The following C12orf42 variants were observed in gnomAD, a reference collection of about 807,000 sequenced individuals.
C12orf42 encodes the protein uncharacterized protein C12orf42.
A neutral mutation model predicts 21.6 loss-of-function variants in C12orf42; 25 were observed. The observed-to-expected ratio is 1.16, with a 90% CI of 0.84 to 1.62. The LOEUF is 1.62. Among genes scored for constraint, C12orf42 ranks in the 40% most tolerant of loss-of-function variants. The pLI, the probability that C12orf42 is intolerant of heterozygous loss-of-function variation, is 0.00. For synonymous variants in C12orf42, 174 were observed against 175.0 expected (o/e 0.99, Z 0.05); for missense variants, 483 against 459.3 (o/e 1.05, Z -0.47).
chr12:103,236,995 T>G (rs2033489544), downstream of C12orf42, among the ~76,000 whole-genome samples: 1 of 152,236 alleles, frequency 6.6e-6, no homozygotes, highest in African/African-American at 2.4e-5. Flanking sequence ...ATGTCTGCGC[T>G]CTGCAAAAGG....
chr12:103,172,931 A>G, the C12orf42 span, among the ~76,000 whole-genome samples: 20 of 152,244 alleles, frequency 1.3e-4, no homozygotes, highest in African/African-American at 4.8e-4. Flanking sequence ...TTGTTTTGTT[A>G]GTTTATATTG....
intron 2 of C12orf42, among the ~76,000 whole-genome samples, chr12:103,429,033 G>A (rs1386151093): frequency 2.6e-5 from 4 of 152,176 alleles, no homozygotes; most frequent in Non-Finnish European, 2.9e-5. Context: ...GCAAAAGCTA[G>A]AAGCATTCCC....
the C12orf42 span, among the ~76,000 whole-genome samples, chr12:103,078,182 G>A: frequency 9.8e-3 from 1,491 of 152,206 alleles, 26 homozygotes; most frequent in African/African-American, 0.034. Context: ...ACAAGGTTTT[G>A]TTTTAGGAAC....
chr12:103,357,320 T>C lies in C12orf42; in HGVS notation c.259+11567A>G, dbSNP rs558258833. Among the ~76,000 whole-genome samples the C allele has an allele frequency of 2.0e-5, 3 of 151,538 alleles. No homozygotes were observed. The South Asian group carries it at 6.2e-4, about 31-fold the overall frequency. On this transcript the variant is annotated intron_variant, in intron 4 of 5. Coordinates refer to ENST00000548883, the MANE Select transcript of C12orf42 (RefSeq NM_198521.5). Reference sequence around the variant, plus strand: ...ATAATAATAAAATAAAAAATAATAATAATAATAAAAAGAAATGAGATGTAG... The same window carrying C: ...ATAATAATAAAATAAAAAATAATAACAATAATAAAAAGAAATGAGATGTAG...
At chr12:103,371,887 T>C (rs145718591) in intron 3 of C12orf42, among the ~76,000 whole-genome samples, 3 of 152,252 alleles carry the variant, frequency 2.0e-5, no homozygotes, top group African/African-American at 7.2e-5. Flanking sequence ...TACCCCAATT[T>C]TACAGATGAA....
At chr12:103,162,045 T>C in the C12orf42 span, among the ~76,000 whole-genome samples, 2 of 152,056 alleles carry the variant, frequency 1.3e-5, no homozygotes, top group African/African-American at 2.4e-5. Flanking sequence ...CCCTTTTCCC[T>C]CCTAATGCCC....
chr12:103,099,487 C>A, the C12orf42 span, among the ~76,000 whole-genome samples: 164 of 152,240 alleles, frequency 1.1e-3, 1 homozygote, highest in African/African-American at 3.7e-3. Flanking sequence ...CATTCAGAGG[C>A]CAGGACTGGG....
At chr12:103,321,971 T>C (rs1364410879) in intron 4 of C12orf42, among the ~76,000 whole-genome samples, 1 of 152,016 alleles carries the variant, frequency 6.6e-6, no homozygotes, top group Non-Finnish European at 1.5e-5. Context: ...CATATGTAAC[T>C]AACCTGCACA....
At chr12:103,469,140 C>T (rs184954240) in intron 2 of C12orf42, among the ~76,000 whole-genome samples, 19 of 152,266 alleles carry the variant, frequency 1.2e-4, no homozygotes, top group African/African-American at 3.6e-4. Flanking sequence ...CAGTATGGGA[C>T]GTCCAATTGG....
At chr12:103,307,403 T>C (rs1011074143) in intron 4 of C12orf42, among the ~76,000 whole-genome samples, 4 of 152,216 alleles carry the variant, frequency 2.6e-5, no homozygotes, top group Non-Finnish European at 5.9e-5. Flanking sequence ...GCAGTTGATA[T>C]GGGTTTCTTT....
At chr12:103,313,898 G>A (rs1430035132) in intron 4 of C12orf42, among the ~76,000 whole-genome samples, 1 of 152,168 alleles carries the variant, frequency 6.6e-6, no homozygotes, top group Non-Finnish European at 1.5e-5. Flanking sequence ...GACAGAATAA[G>A]GCAAATGTAT....
At chr12:103,529,688 G>A in the C12orf42 span, among the ~76,000 whole-genome samples, 32 of 152,132 alleles carry the variant, frequency 2.1e-4, no homozygotes, top group Admixed American at 2.1e-3. Flanking sequence ...TCAGAAACCT[G>A]GCAGCTGTGA....
intron 10 of C12orf42, among the ~76,000 whole-genome samples, chr12:103,241,805 AC>A (rs1357676588): frequency 6.6e-6 from 1 of 152,148 alleles, no homozygotes; most frequent in East Asian, 1.9e-4. Flanking sequence ...CTTAAAACAA[AC>A]GGGATCAAAA....
chr12:103,323,633 T>A (rs1292736383), intron 4 of C12orf42, among the ~76,000 whole-genome samples: 1 of 152,258 alleles, frequency 6.6e-6, no homozygotes, highest in Non-Finnish European at 1.5e-5. Flanking sequence ...AGAATGAGAC[T>A]TCTGATGCTC....
chr12:103,396,707 G>C (rs1485366610), intron 3 of C12orf42: 1 of 152,238 alleles, frequency 6.6e-6, no homozygotes, highest in Non-Finnish European at 1.5e-5. Flanking sequence ...GGACCTGAAA[G>C]AAGGTGCATT....
At chr12:103,400,294 G>C (rs1358329057) in intron 3 of C12orf42, among the ~76,000 whole-genome samples, 1 of 152,230 alleles carries the variant, frequency 6.6e-6, no homozygotes, top group Non-Finnish European at 1.5e-5. Context: ...TCTTGCTGCA[G>C]TATGAGCTAA....
chr12:103,235,377 G>C (rs2033436720), downstream of C12orf42, among the ~76,000 whole-genome samples: 1 of 152,236 alleles, frequency 6.6e-6, no homozygotes, highest in East Asian at 1.9e-4. Flanking sequence ...GATTGTTTTA[G>C]AAGTTTCTTT....
chr12:103,181,856 A>G, the C12orf42 span, among the ~76,000 whole-genome samples: 1 of 152,210 alleles, frequency 6.6e-6, no homozygotes, highest in African/African-American at 2.4e-5. Flanking sequence ...AAAAGCTAAG[A>G]CACATTTAAT....
At chr12:103,465,926 C>T (rs1352670608) in intron 2 of C12orf42, among the ~76,000 whole-genome samples, 1 of 152,160 alleles carries the variant, frequency 6.6e-6, no homozygotes, top group Non-Finnish European at 1.5e-5. Flanking sequence ...TTGAACCAGC[C>T]TTGCATCCTG....
Sources: allele counts gnomAD v4.1 joint callset (sites outside exome capture counted in the v4.1 genomes callset), GRCh38; gene constraint gnomAD v4.1.1; transcripts MANE v1.5; gene names NCBI Gene and HGNC (gene_info 2026-07-23, HGNC 2026-07-21).